Variants in TNFSF14 observed in about 807,000 individuals in gnomAD.
TNFSF14 encodes the protein TNF superfamily member 14, also known as tumor necrosis factor ligand superfamily member 14.
In TNFSF14, 15 loss-of-function variants were observed where a neutral mutation model predicts 22.7. The observed-to-expected ratio is 0.66, with a 90% confidence interval of 0.44 to 1.02. The LOEUF (loss-of-function observed/expected upper bound fraction) is 1.02, where lower values mean the gene tolerates loss of function less well. TNFSF14 is among the 50% of genes least tolerant of loss of function. TNFSF14 has a pLI of 0.00. For missense variants in TNFSF14, 287 were observed against 326.2 expected (o/e 0.88, Z 0.93); for synonymous variants, 133 against 139.6 (o/e 0.95, Z 0.33).
chr19:6,669,069 G>A (rs763865086), intron 1 of TNFSF14, among the ~76,000 whole-genome samples: 3 of 152,242 alleles, frequency 2.0e-5, no homozygotes, highest in Non-Finnish European at 4.4e-5. Context: ...GGCACACATA[G>A]ACCCCCAGGT....
At chr19:6,667,517 A>C in intron 1 of TNFSF14, 68 bp from the exon 2 acceptor site, 2 of 1,532,986 alleles carry the variant, frequency 1.3e-6, no homozygotes, top group Non-Finnish European at 1.7e-6. Context: ...TTGCTCACAC[A>C]TGGCTATGAG....
rs949180934 is a variant in TNFSF14, at chr19:6,669,832, GC to G, written c.219+18del. On this transcript the variant is annotated intron_variant, in intron 1 of 3. Coordinates refer to ENST00000675206, the MANE Select transcript of TNFSF14 (RefSeq NM_001376887.1). The stretch of plus-strand genomic sequence containing the variant: ...CCCCCCTCACCTCCACCTGCTCTCA[GC>G]CCCCCGGTCCCACTCACAGGCAGGC... 6.2e-7 allele frequency: 1 copy of G among 1,606,886 alleles called. No homozygotes were observed. Among genetic ancestry groups the G allele is most frequent in the Non-Finnish European group, 8.5e-7 (1 of 1,179,174 alleles).
rs143854617 is a variant in TNFSF14, at chr19:6,667,140, C to T, written c.271G>A (p.Glu91Lys). The change falls in exon 3 of 4, where the codon GAG (glutamate) becomes AAG (lysine). Residue 91 changes from glutamate to lysine, a missense_variant. Coordinates refer to ENST00000675206, the MANE Select transcript of TNFSF14 (RefSeq NM_001376887.1). ...EQLIQERRSHEVNPAAHLTGA... is the reference protein window; with the variant it reads ...EQLIQERRSHKVNPAAHLTGA... ...GTGAGATGCGCTGCTGGGTTGACCT[C>T]GTGAGACCTTCGCTCTGGGGAAAGA... 747 of 1,595,734 alleles carry T rather than the reference C, an allele frequency of 4.7e-4. 3 individuals carry two copies. The Middle Eastern group carries it at 6.3e-3, about 14-fold the overall frequency.
At position 6,663,583 on chromosome 19, in the gene TNFSF14, G is replaced by C. The variant is rs2279627; in HGVS notation, c.*1343C>G. 35,642 of 152,652 alleles carry C rather than the reference G, an allele frequency of 0.23. 4,600 individuals are homozygous for C. Among genetic ancestry groups the C allele is most frequent in the East Asian group, 0.52 (2,710 of 5,166 alleles). The allele number at this position is 152,652 out of a possible 1,614,324, so 9.5% of individuals were successfully genotyped here. On this transcript the variant is annotated 3_prime_UTR_variant, in exon 4 of 4. Transcript: ENST00000675206. ...TGAGTATTAATTACCAAGTGTGACG[G>C]TGACACCTCTGGGAGTGGCTGTGTA...
intron 1 of TNFSF14, 150 bp downstream of exon 1, chr19:6,669,701 C>A: frequency 7.9e-7 from 1 of 1,265,828 alleles, no homozygotes; most frequent in Admixed American, 2.7e-5. Flanking sequence ...GAGCAGCAAC[C>A]AGTCAAGCCA....
At chr19:6,667,916 C>T (rs1229841918) in intron 1 of TNFSF14, among the ~76,000 whole-genome samples, 2 of 152,086 alleles carry the variant, frequency 1.3e-5, no homozygotes, top group Non-Finnish European at 2.9e-5. Flanking sequence ...TGGTGGGTGC[C>T]TGTAATCCCA....
chr19:6,667,964 C>T (rs1333518111), intron 1 of TNFSF14, among the ~76,000 whole-genome samples: 1 of 152,022 alleles, frequency 6.6e-6, no homozygotes, highest in Non-Finnish European at 1.5e-5. Flanking sequence ...TCGCTTGAAC[C>T]TGGGAGGTTG....
At chr19:6,669,517 G>A (rs538675656) in intron 1 of TNFSF14, among the ~76,000 whole-genome samples, 2 of 152,192 alleles carry the variant, frequency 1.3e-5, no homozygotes, top group East Asian at 1.9e-4. Flanking sequence ...ATGCATGCGT[G>A]TGTGCACAGG....
intron 2 of TNFSF14, 65 bp from the exon 3 acceptor site, chr19:6,667,219 G>T: frequency 6.7e-7 from 1 of 1,491,822 alleles, no homozygotes; most frequent in South Asian, 1.3e-5. Flanking sequence ...CCTCCTAAAG[G>T]GCCACCGTGT....
At chr19:6,665,784 C>CATGTGT (rs968102832) in intron 3 of TNFSF14, among the ~76,000 whole-genome samples, 1 of 140,564 alleles carries the variant, frequency 7.1e-6, no homozygotes, top group African/African-American at 2.7e-5. Flanking sequence ...TGCATGTGTG[C>CATGTGT]GTGTGTGTGT....
At position 6,664,714 on chromosome 19, in the gene TNFSF14, A is replaced by AT. The variant is rs1395267864; in HGVS notation, c.*211dup. On this transcript the variant is annotated 3_prime_UTR_variant, in exon 4 of 4. Transcript: ENST00000675206. The surrounding 1 kb of genome is among the most constrained non-coding windows in gnomAD (Gnocchi z 4.7). ...ACCACCACGTCCGGCTAATTTTTGT[A>AT]TTTTTAGTAGAGATGGGGTTTTGCC... 1.1e-5 allele frequency: 5 copies of AT among 475,624 alleles called. No homozygotes were observed. Among genetic ancestry groups the AT allele is most frequent in the Non-Finnish European group, 3.7e-6 (1 of 273,146 alleles). 29.5% of individuals were successfully genotyped at this position (475,624 alleles called of 1,614,324 possible).
intron 3 of TNFSF14, among the ~76,000 whole-genome samples, chr19:6,665,784 C>CGT (rs35598085): frequency 0.043 from 5,986 of 140,598 alleles, 154 homozygotes; most frequent in African/African-American, 0.081. Context: ...TGCATGTGTG[C>CGT]GTGTGTGTGT....
chr19:6,662,542 A>C lies in TNFSF14; in HGVS notation c.*2384T>G, dbSNP rs1431671065. 6.6e-6 allele frequency: 1 copy of C among 152,222 alleles called. No individual in the cohort carries two copies. Among genetic ancestry groups the C allele is most frequent in the East Asian group, 1.9e-4 (1 of 5,204 alleles). 9.4% of individuals were successfully genotyped at this position (152,222 alleles called of 1,614,324 possible). A position where few individuals can be genotyped will look rare whatever the true frequency, so the allele number is the denominator to read the frequency against. ...TTCATCTCTGTACTGTGCAACAATGACAAGAATACTATTGGCGATAACAAC... is the reference window on the plus strand; with the variant it reads ...TTCATCTCTGTACTGTGCAACAATGCCAAGAATACTATTGGCGATAACAAC... On this transcript the variant is annotated 3_prime_UTR_variant, in exon 4 of 4. Transcript: ENST00000675206.
At position 6,669,965 on chromosome 19, in the gene TNFSF14, C is replaced by T. The variant is rs779814436; in HGVS notation, c.105G>A (p.Val35=). Residue 35 remains valine (V), a synonymous_variant, in exon 1 of 4, where the codon GTG becomes GTA. Transcript: ENST00000675206. ...GRSHRRQSCS[V]ARVGLGLLLL... ...GCAAGAGACCCAGACCCACCCGGGC[C>T]ACACTGCACGACTGTCTCCGGTGGC... 6.2e-7 allele frequency: 1 copy of T among 1,614,134 alleles called. No homozygotes were observed. Among genetic ancestry groups the T allele is most frequent in the South Asian group, 1.1e-5 (1 of 91,080 alleles).
Position 6,665,178 on chromosome 19 carries a change from G to A in TNFSF14, c.471C>T (p.Gly157=), listed in dbSNP as rs150693273. The change falls in exon 4 of 4, where the codon GGC becomes GGT. Residue 157 remains glycine (G), a synonymous_variant. Coordinates refer to ENST00000675206, the MANE Select transcript of TNFSF14 (RefSeq NM_001376887.1). The stretch of plus-strand genomic sequence containing the variant: ...GGCCGTGGGTGATGGTGCTGGCCAG[G>A]CCCAGCGGGCAGCCCACACCGCCCA... ...VQLGGVGCPL[G]LASTITHGLY... 31 of 1,614,030 alleles carry A rather than the reference G, an allele frequency of 1.9e-5. No homozygotes were observed. Among genetic ancestry groups the A allele is most frequent in the Admixed American group, 5.0e-5 (3 of 60,006 alleles).
At position 6,669,833 on chromosome 19, in the gene TNFSF14, C is replaced by T. The variant is rs758618893; in HGVS notation, c.219+18G>A. On this transcript the variant is annotated intron_variant, in intron 1 of 3. Coordinates refer to ENST00000675206, the MANE Select transcript of TNFSF14 (RefSeq NM_001376887.1). Reference sequence around the variant, plus strand: ...CCCCCTCACCTCCACCTGCTCTCAGCCCCCCGGTCCCACTCACAGGCAGGC... The same window carrying T: ...CCCCCTCACCTCCACCTGCTCTCAGTCCCCCGGTCCCACTCACAGGCAGGC... The T allele has an allele frequency of 5.0e-6, 8 of 1,608,274 alleles. No individual in the cohort carries two copies. Among genetic ancestry groups the T allele is most frequent in the Middle Eastern group, 3.7e-4 (2 of 5,434 alleles).
At chr19:6,670,394 A>T (rs899422053), upstream of TNFSF14, 14 of 666,116 alleles carry the variant, frequency 2.1e-5, no homozygotes, top group African/African-American at 2.6e-4. Flanking sequence ...GGGGCCACCA[A>T]ATATCGACTG....
rs1219013880 is a variant in TNFSF14 at position 6,665,210 on chromosome 19, C to T, written c.439G>A (p.Val147Met). The T allele has an allele frequency of 6.2e-7, 1 of 1,614,160 alleles. No homozygotes were observed. Among genetic ancestry groups the T allele is most frequent in the South Asian group, 1.1e-5 (1 of 91,088 alleles). The change falls in exon 4 of 4, where the codon GTG becomes ATG. Residue 147 changes from valine (V) to methionine (M), a missense_variant. Val to Met is a conservative substitution (Grantham distance 21). Transcript: ENST00000675206. ...KAGYYYIYSKVQLGGVGCPLG... is the reference protein window; with the variant it reads ...KAGYYYIYSKMQLGGVGCPLG... ...GGGCAGCCCACACCGCCCAGCTGCACCTTGGAGTAGATGTAGTAGTAGCCA... is the reference window on the plus strand; with the variant it reads ...GGGCAGCCCACACCGCCCAGCTGCATCTTGGAGTAGATGTAGTAGTAGCCA...
At position 6,663,002 on chromosome 19, in the gene TNFSF14, C is replaced by T. The variant is rs1298357153; in HGVS notation, c.*1924G>A. ...ACCTCCATGGGTCATTACCTCCATC[C>T]CTCTGCCTCTAGGAGCCACCACTTG... On this transcript the variant is annotated 3_prime_UTR_variant, in exon 4 of 4. Coordinates refer to ENST00000675206, the MANE Select transcript of TNFSF14 (RefSeq NM_001376887.1). The T allele has an allele frequency of 6.6e-6, 1 of 152,190 alleles. No individual in the cohort carries two copies. Among genetic ancestry groups the T allele is most frequent in the African/African-American group, 2.4e-5 (1 of 41,446 alleles). 9.4% of individuals were successfully genotyped at this position (152,190 alleles called of 1,614,324 possible). A position where few individuals can be genotyped will look rare whatever the true frequency, so the allele number is the denominator to read the frequency against.
Sources: gnomAD v4.1 joint callset for allele counts (sites outside exome capture counted in the v4.1 genomes callset) on GRCh38, gnomAD v4.1.1 for gene constraint, Gnocchi (gnomAD v3.1) non-coding constraint, MANE v1.5 for transcripts, NCBI Gene and HGNC (gene_info 2026-07-23, HGNC 2026-07-21) for gene names.